FCGRT: variants seen among roughly 807,000 people sequenced by gnomAD.
FCGRT encodes the protein IgG receptor FcRn large subunit p51.
Under a neutral mutation model 35.7 loss-of-function variants are expected in FCGRT, and 13 were observed. The ratio of observed to expected loss-of-function variants is 0.36; its 90% CI spans 0.24 to 0.58. The LOEUF (loss-of-function observed/expected upper bound fraction) is 0.58, where lower values mean the gene tolerates loss of function less well. FCGRT is among the 20% of genes least tolerant of loss of function. FCGRT has a pLI of 0.77. For synonymous variants in FCGRT, 233 were observed against 216.5 expected (o/e 1.08, Z -0.67); for missense variants, 455 against 474.9 (o/e 0.96, Z 0.39).
At chr19:49,525,023 C>T (rs2080065680) in intron 5 of FCGRT, 1 of 657,438 alleles carries the variant, frequency 1.5e-6, no homozygotes, top group Non-Finnish European at 2.8e-6. Flanking sequence ...CATGGCCAGT[C>T]CTCCCTGAGT....
chr19:49,525,602 G>C, intron 6 of FCGRT, 29 bp downstream of exon 6: 9 of 1,499,222 alleles, frequency 6.0e-6, no homozygotes, highest in South Asian at 5.7e-5. Context: ...AAGAGCCTCT[G>C]AGAGAGGGAC....
At chr19:49,525,645 G>A in intron 6 of FCGRT, 72 bp downstream of exon 6, 1 of 1,059,818 alleles carries the variant, frequency 9.4e-7, no homozygotes, top group Admixed American at 1.9e-5. Context: ...ACAGACCTGG[G>A]AGGACAGAGA....
At chr19:49,522,026 A>C (rs2122690179) in intron 4 of FCGRT, among the ~76,000 whole-genome samples, 1 of 151,938 alleles carries the variant, frequency 6.6e-6, no homozygotes, top group African/African-American at 2.4e-5. Flanking sequence ...ATTTCAGTGA[A>C]GTTCAGTTTA....
At chr19:49,516,197 C>A in intron 4 of FCGRT, 1 of 445,000 alleles carries the variant, frequency 2.2e-6, no homozygotes, top group South Asian at 1.6e-5. Context: ...GAGACTCAAC[C>A]AGGTAGTTTT....
intron 6 of FCGRT, 58 bp from the exon 7 acceptor site, chr19:49,525,952 G>A: frequency 2.8e-6 from 3 of 1,053,428 alleles, no homozygotes; most frequent in Non-Finnish European, 4.5e-6. Context: ...GGGGACGCCA[G>A]TCAGACCCAG....
intron 2 of FCGRT, 153 bp downstream of exon 2, chr19:49,513,626 G>A (rs996228501): frequency 8.5e-6 from 4 of 469,126 alleles, no homozygotes; most frequent in South Asian, 7.8e-5. Flanking sequence ...CTCCTGCTGG[G>A]CCTGAGGCTG....
intron 4 of FCGRT, chr19:49,516,260 G>T (rs2080006951): frequency 2.4e-6 from 1 of 419,548 alleles, no homozygotes; most frequent in South Asian, 1.7e-5. Context: ...TTCTTTTTTT[G>T]AGACAGAGTT....
At chr19:49,514,587 GC>G in intron 4 of FCGRT, 101 bp downstream of exon 4, 1 of 1,151,868 alleles carries the variant, frequency 8.7e-7, no homozygotes, top group Non-Finnish European at 1.2e-6. Flanking sequence ...TCCCACTGCA[GC>G]CCACGCTCTG....
At position 49,513,934 on chromosome 19, in the gene FCGRT, G is replaced by A. The variant is rs11551281; in HGVS notation, c.126G>A (p.Pro42=). The A allele has an allele frequency of 1.2e-6, 2 of 1,613,282 alleles. No individual in the cohort carries two copies. Among genetic ancestry groups the A allele is most frequent in the Non-Finnish European group, 1.7e-6 (2 of 1,179,576 alleles). The change falls in exon 3 of 7, where the codon CCG becomes CCA. Residue 42 remains proline (P), a synonymous_variant. Transcript: ENST00000221466. ...TTACCGCGGTGTCCTCGCCTGCCCC[G>A]GGGACTCCTGCCTTCTGGGTGTCCG... ...YHLTAVSSPA[P]GTPAFWVSGW... is the part of the protein sequence containing the mutation.
chr19:49,525,581 G>A lies in FCGRT; in HGVS notation c.988+8G>A, dbSNP rs778783701. 5.7e-6 allele frequency: 9 copies of A among 1,588,016 alleles called. No homozygotes were observed. In the South Asian group the frequency reaches 9.9e-5, roughly 18 times the overall value. On this transcript the variant is annotated splice_region_variant and intron_variant, in intron 6 of 6. Coordinates refer to ENST00000221466, the MANE Select transcript of FCGRT (RefSeq NM_001136019.3). ...TGAGGAGTGGGCTGCCAGGTGGGGG[G>A]CAGCGGGAGGAAGAGCCTCTGAGAG...
At chr19:49,513,785 C>T (rs962293662) in intron 2 of FCGRT, 97 bp from the exon 3 acceptor site, 22 of 857,516 alleles carry the variant, frequency 2.6e-5, no homozygotes, top group East Asian at 4.2e-5. Flanking sequence ...CTGTCCCCCT[C>T]CCTCCATAAT....
chr19:49,524,993 T>A lies in FCGRT; in HGVS notation c.871+217T>A, dbSNP rs957761583. On this transcript the variant is annotated intron_variant, in intron 5 of 6. Transcript: ENST00000221466. ...TCCTGCTGCTTCTGGCCTCACTGAG[T>A]CTGAAGAGCTGTTAACTACCATGGC... The A allele has an allele frequency of 1.6e-5, 11 of 686,244 alleles. No individual in the cohort carries two copies. The African/African-American group carries it at 1.9e-4, about 12-fold the overall frequency. 42.5% of individuals were successfully genotyped at this position (686,244 alleles called of 1,614,324 possible). A position where few individuals can be genotyped will look rare whatever the true frequency, so the allele number is the denominator to read the frequency against.
rs755325686 is a variant in FCGRT, at chr19:49,514,377, G to T, written c.492G>T (p.Trp164Cys). Residue 164 changes from tryptophan to cysteine, a missense_variant, in exon 4 of 7, where the codon TGG (tryptophan) becomes TGT (cysteine). Trp to Cys is a radical substitution (Grantham distance 215). Coordinates refer to ENST00000221466, the MANE Select transcript of FCGRT (RefSeq NM_001136019.3). Reference protein sequence around the residue: ...WPEALAISQRWQQQDKAANKE... With the variant: ...WPEALAISQRCQQQDKAANKE... ...AGGCCCTGGCTATCAGTCAGCGGTG[G>T]CAGCAGCAGGACAAGGCGGCCAACA... 1 of 1,612,460 alleles carries T rather than the reference G, an allele frequency of 6.2e-7. No homozygotes were observed. The highest frequency in any genetic ancestry group is 8.5e-7 in the Non-Finnish European group (1 of 1,179,148).
chr19:49,514,192 C>G lies in FCGRT; in HGVS notation c.326-19C>G, dbSNP rs1035981331. 1 of 1,608,986 alleles carries G rather than the reference C, an allele frequency of 6.2e-7. No individual in the cohort carries two copies. The highest frequency in any genetic ancestry group is 8.5e-7 in the Non-Finnish European group (1 of 1,176,898). On this transcript the variant is annotated intron_variant, in intron 3 of 6. Coordinates refer to ENST00000221466, the MANE Select transcript of FCGRT (RefSeq NM_001136019.3). ...GTCCATGCTCCGGGGCCCCGCTTACCTGTGTTTGGGCGCCCCAGGTCCCTA... is the reference window on the plus strand; with the variant it reads ...GTCCATGCTCCGGGGCCCCGCTTACGTGTGTTTGGGCGCCCCAGGTCCCTA...
intron 4 of FCGRT, among the ~76,000 whole-genome samples, chr19:49,524,038 A>C (rs1354966227): frequency 7.0e-6 from 1 of 141,922 alleles, no homozygotes; most frequent in Non-Finnish European, 1.5e-5. Flanking sequence ...TTTTTTTCTG[A>C]GACGGGGTCT....
chr19:49,513,861 C>T, intron 2 of FCGRT, 21 bp from the exon 3 acceptor site: 2 of 1,570,260 alleles, frequency 1.3e-6, no homozygotes, highest in Non-Finnish European at 1.7e-6. Context: ...GTGCTCCCTT[C>T]AGCTCTGTTT....
At chr19:49,525,416 G>T in intron 5 of FCGRT, 41 bp from the exon 6 acceptor site, 1 of 1,458,614 alleles carries the variant, frequency 6.9e-7, no homozygotes, top group Non-Finnish European at 9.6e-7. Flanking sequence ...TGGGTGGGGT[G>T]GAGGGGCTGC....
In FCGRT at chr19:49,525,295, G is replaced by A. The variant is rs565369108; in HGVS notation, c.872-162G>A. ...TAGCTGGTTCTTACGTCCAACCTGG[G>A]GGCAGTCTGCCCAGATCGCCTGCCT... On this transcript the variant is annotated intron_variant, in intron 5 of 6. Transcript: ENST00000221466. 22 of 669,332 alleles carry A rather than the reference G, an allele frequency of 3.3e-5. No individual in the cohort carries two copies. The African/African-American group carries it at 3.5e-4, about 11-fold the overall frequency. The allele number at this position is 669,332 out of a possible 1,614,324, so 41.5% of individuals were successfully genotyped here.
At chr19:49,522,696 CGCCAGGATTCTAGGT>C (rs1568702472) in intron 4 of FCGRT, among the ~76,000 whole-genome samples, 1 of 150,094 alleles carries the variant, frequency 6.7e-6, no homozygotes, top group African/African-American at 2.5e-5. Flanking sequence ...CCCCCCAAAG[CGCCAGGATTCTAGGT>C]GTGAGCCACC....
Sources: allele counts gnomAD v4.1 joint callset (sites outside exome capture counted in the v4.1 genomes callset), GRCh38; gene constraint gnomAD v4.1.1; transcripts MANE v1.5; gene names NCBI Gene and HGNC (gene_info 2026-07-23, HGNC 2026-07-21).